MED13L: variants seen among roughly 807,000 people sequenced by gnomAD.
MED13L encodes the protein mediator complex subunit 13L.
A neutral mutation model predicts 220.9 loss-of-function variants in MED13L; 7 were observed. The observed-to-expected ratio is 0.03, with a 90% CI of 0.02 to 0.06. MED13L has a LOEUF of 0.06. Ranked by LOEUF, MED13L falls within the 10% of genes least tolerant of loss-of-function variation. The pLI is 1.00. For missense variants in MED13L, 1,965 were observed against 2,760.5 expected, an observed-to-expected ratio of 0.71 and a Z score of 6.46; for synonymous variants, 1,011 against 1,015.2, an observed-to-expected ratio of 1.00 and a Z score of 0.08.
intron 2 of MED13L, among the ~76,000 whole-genome samples, chr12:116,236,548 C>T (rs548132301): frequency 6.6e-6 from 1 of 151,186 alleles, no homozygotes; most frequent in African/African-American, 2.4e-5. Flanking sequence ...CAAAACATTT[C>T]AAACACGATC....
intron 1 of MED13L, among the ~76,000 whole-genome samples, chr12:116,238,995 T>C (rs994316250): frequency 6.6e-6 from 1 of 152,074 alleles, no homozygotes; most frequent in Non-Finnish European, 1.5e-5. Flanking sequence ...CTCAGGAGGC[T>C]GAGGCACAAG....
intron 3 of MED13L, among the ~76,000 whole-genome samples, chr12:116,099,238 C>T (rs143306692): frequency 2.4e-4 from 37 of 152,330 alleles, no homozygotes; most frequent in Admixed American, 3.3e-4. Context: ...TATACCAACT[C>T]TCATGCTGTC....
chr12:116,079,618 A>T (rs1490713860), intron 4 of MED13L, among the ~76,000 whole-genome samples: 5 of 151,970 alleles, frequency 3.3e-5, no homozygotes, highest in Admixed American at 3.3e-4. Context: ...CGCTCATTGC[A>T]GCCTTGACCT....
chr12:116,177,162 C>T (rs1174590079), intron 2 of MED13L, among the ~76,000 whole-genome samples: 3 of 152,076 alleles, frequency 2.0e-5, no homozygotes, highest in Non-Finnish European at 2.9e-5. Flanking sequence ...TCACCAACAC[C>T]GAAATCTTGA....
intron 2 of MED13L, among the ~76,000 whole-genome samples, chr12:116,217,942 T>C (rs1883098945): frequency 6.6e-6 from 1 of 152,180 alleles, no homozygotes; most frequent in Admixed American, 6.5e-5. Flanking sequence ...AGCAACTAGT[T>C]ATATATCTCA....
chr12:116,087,359 GA>G (rs879915239), intron 4 of MED13L, among the ~76,000 whole-genome samples: 1 of 151,472 alleles, frequency 6.6e-6, no homozygotes. Flanking sequence ...AACTAATGAG[GA>G]AAAAAATGTT....
intron 2 of MED13L, among the ~76,000 whole-genome samples, chr12:116,225,183 G>A (rs1289866682): frequency 2.6e-5 from 4 of 152,150 alleles, no homozygotes; most frequent in African/African-American, 9.7e-5. Context: ...AACCATACTG[G>A]GAATCAAATA....
intron 2 of MED13L, among the ~76,000 whole-genome samples, chr12:116,118,839 G>C (rs1874753087): frequency 6.6e-6 from 1 of 152,226 alleles, no homozygotes; most frequent in African/African-American, 2.4e-5. Flanking sequence ...ACACATGTAT[G>C]TGCAAACCAC....
At chr12:116,236,985 C>A in intron 2 of MED13L, 1 of 397,492 alleles carries the variant, frequency 2.5e-6, no homozygotes, top group Non-Finnish European at 3.2e-6. Flanking sequence ...CATCTTTCCT[C>A]AAAATACTAT....
Position 116,008,433 on chromosome 12 carries a change from C to T in MED13L, c.1980G>A (p.Met660Ile). 6.2e-7 allele frequency: 1 copy of T among 1,612,106 alleles called. No homozygotes were observed. Among genetic ancestry groups the T allele is most frequent in the Non-Finnish European group, 8.5e-7 (1 of 1,179,662 alleles). Residue 660 changes from methionine to isoleucine, a missense_variant, in exon 10 of 31, where the codon ATG becomes ATA. Transcript: ENST00000281928. Reference protein sequence around the residue: ...ELQGERCDAKMEVNSESTALQ... With the variant: ...ELQGERCDAKIEVNSESTALQ... ...ATGCAGTGCTCTCTGAGTTTACCTC[C>T]ATTTTGGCATCACATCTCTCACCCT... is the stretch of plus-strand genomic sequence containing the variant.
At chr12:116,097,509 G>A (rs1872719874) in intron 3 of MED13L, among the ~76,000 whole-genome samples, 1 of 152,076 alleles carries the variant, frequency 6.6e-6, no homozygotes, top group Non-Finnish European at 1.5e-5. Flanking sequence ...CTTTGCATGT[G>A]ATAGGCAATA....
At chr12:116,242,205 C>T (rs1376964502) in intron 1 of MED13L, among the ~76,000 whole-genome samples, 1 of 151,932 alleles carries the variant, frequency 6.6e-6, no homozygotes, top group Non-Finnish European at 1.5e-5. Context: ...CCACCACACC[C>T]AGCTAATTTT....
At chr12:116,230,493 T>C in intron 2 of MED13L, 31 of 984,556 alleles carry the variant, frequency 3.1e-5, no homozygotes, top group Non-Finnish European at 3.7e-5. Context: ...TGCTGCAAAA[T>C]GGTATCATTC....
At chr12:116,131,714 C>G (rs1248452236) in intron 2 of MED13L, among the ~76,000 whole-genome samples, 1 of 152,218 alleles carries the variant, frequency 6.6e-6, no homozygotes, top group African/African-American at 2.4e-5. Flanking sequence ...CAAGGCTGGG[C>G]ACACCTGTAA....
intron 2 of MED13L, among the ~76,000 whole-genome samples, chr12:116,228,527 G>A (rs1480045543): frequency 6.6e-6 from 1 of 152,038 alleles, no homozygotes; most frequent in Non-Finnish European, 1.5e-5. Context: ...CTGCAGAAGA[G>A]GACACTCGTT....
chr12:116,178,636 C>A (rs745671658), intron 2 of MED13L, among the ~76,000 whole-genome samples: 2 of 152,212 alleles, frequency 1.3e-5, no homozygotes, highest in Admixed American at 6.5e-5. Context: ...ACTGTTCTTA[C>A]AACCCACTTG....
At chr12:116,116,874 A>G (rs576497403) in intron 2 of MED13L, among the ~76,000 whole-genome samples, 29 of 151,216 alleles carry the variant, frequency 1.9e-4, no homozygotes, top group Non-Finnish European at 3.2e-4. Context: ...TACATGAGAA[A>G]AAGAGTTTGT....
intron 9 of MED13L, 109 bp downstream of exon 9, chr12:116,012,688 C>G: frequency 5.9e-6 from 5 of 846,500 alleles, no homozygotes; most frequent in Non-Finnish European, 8.3e-6. Context: ...TTCTTCTCTA[C>G]TGGAGGAGAA....
chr12:116,200,404 A>G (rs1330211936), intron 2 of MED13L, among the ~76,000 whole-genome samples: 1 of 152,200 alleles, frequency 6.6e-6, no homozygotes. Flanking sequence ...CACACTTACT[A>G]GTGAAATACC....
Sources: gnomAD v4.1 joint callset for allele counts (sites outside exome capture counted in the v4.1 genomes callset) on GRCh38, gnomAD v4.1.1 for gene constraint, MANE v1.5 for transcripts, NCBI Gene and HGNC (gene_info 2026-07-23, HGNC 2026-07-21) for gene names.